PAK5: variants seen among roughly 807,000 people sequenced by gnomAD.
PAK5 encodes serine/threonine-protein kinase PAK 5.
In PAK5, 16 loss-of-function variants were observed where a neutral mutation model predicts 65.9. That is an observed-to-expected ratio of 0.24 (90% CI 0.16 to 0.37). The LOEUF is 0.37. Among genes scored for constraint, PAK5 ranks in the 10% least tolerant of loss-of-function variants. The pLI is 1.00. For missense variants in PAK5, 785 were observed against 903.9 expected, an observed-to-expected ratio of 0.87 and a Z score of 1.69; for synonymous variants, 371 against 354.9, an observed-to-expected ratio of 1.05 and a Z score of -0.51.
chr20:9,764,695 T>A (rs1250635747), intron 1 of PAK5, among the ~76,000 whole-genome samples: 1 of 152,196 alleles, frequency 6.6e-6, no homozygotes, highest in Non-Finnish European at 1.5e-5. Flanking sequence ...TTAGGATTGA[T>A]CTTGTTATTG....
At chr20:9,678,899 G>A (rs2047612246) in intron 2 of PAK5, among the ~76,000 whole-genome samples, 1 of 152,110 alleles carries the variant, frequency 6.6e-6, no homozygotes, top group South Asian at 2.1e-4. Context: ...ATGAGATTTG[G>A]GTGGGGACAC....
chr20:9,753,097 G>A (rs2048594990), intron 1 of PAK5, among the ~76,000 whole-genome samples: 1 of 152,024 alleles, frequency 6.6e-6, no homozygotes, highest in Admixed American at 6.6e-5. Flanking sequence ...TCACACACAT[G>A]AGCCAACCAG....
Position 9,716,446 on chromosome 20 carries a change from A to T in PAK5, c.-161-5011T>A, listed in dbSNP as rs545603238. On this transcript the variant is annotated intron_variant, in intron 1 of 9. Coordinates refer to ENST00000353224, the MANE Select transcript of PAK5 (RefSeq NM_177990.4). ...TGTGGGTCTACTGCATAATAATAAG[A>T]TAATTCAATATATTTGACAGAAGTA... is the stretch of plus-strand genomic sequence containing the variant. 1.7e-4 allele frequency among the ~76,000 whole-genome samples: 26 copies of T among 152,338 alleles called. 1 individual carries two copies. The South Asian group carries it at 5.4e-3, about 32-fold the overall frequency.
chr20:9,779,893 C>T (rs2048923896), intron 1 of PAK5, among the ~76,000 whole-genome samples: 1 of 151,946 alleles, frequency 6.6e-6, no homozygotes, highest in Non-Finnish European at 1.5e-5. Flanking sequence ...GCACAAAAAG[C>T]ATAAATCTTG....
In PAK5 at chr20:9,560,575, C is replaced by T. The variant is rs1046589513; in HGVS notation, c.1616+2316G>A. Among the ~76,000 whole-genome samples the T allele has an allele frequency of 5.9e-5, 9 of 152,150 alleles. No individual in the cohort carries two copies. The East Asian group carries it at 1.4e-3, about 23-fold the overall frequency. ...CAGGGTCTCGCTAAGTTGCCCAGGC[C>T]GGTCTCGAACTCCTGTGCTCACGTG... On this transcript the variant is annotated intron_variant, in intron 6 of 9. Coordinates refer to ENST00000353224, the MANE Select transcript of PAK5 (RefSeq NM_177990.4).
At chr20:9,793,306 A>G (rs1039143066) in intron 1 of PAK5, among the ~76,000 whole-genome samples, 1 of 152,160 alleles carries the variant, frequency 6.6e-6, no homozygotes, top group Non-Finnish European at 1.5e-5. Context: ...AAACACATAC[A>G]TGTTTTAAAA....
At chr20:9,724,530 A>C (rs1344478413) in intron 1 of PAK5, among the ~76,000 whole-genome samples, 1 of 152,188 alleles carries the variant, frequency 6.6e-6, no homozygotes, top group Non-Finnish European at 1.5e-5. Context: ...AAATGTATCA[A>C]ATAAGAATTT....
chr20:9,554,872 C>T (rs1603203197), intron 7 of PAK5, among the ~76,000 whole-genome samples: 1 of 152,258 alleles, frequency 6.6e-6, no homozygotes, highest in Non-Finnish European at 1.5e-5. Flanking sequence ...GCCTGGAATG[C>T]TCCTGTTTCT....
At chr20:9,635,125 T>C (rs1408078907) in intron 3 of PAK5, among the ~76,000 whole-genome samples, 1 of 152,188 alleles carries the variant, frequency 6.6e-6, no homozygotes, top group Admixed American at 6.5e-5. Flanking sequence ...CTTTATAACA[T>C]ATACACTCTT....
At chr20:9,554,929 A>G (rs949697602) in intron 7 of PAK5, among the ~76,000 whole-genome samples, 1 of 152,082 alleles carries the variant, frequency 6.6e-6, no homozygotes, top group African/African-American at 2.4e-5. Flanking sequence ...TAACGCCACC[A>G]CATCAGAGGG....
At position 9,580,715 on chromosome 20, in the gene PAK5, G is replaced by T; in HGVS notation, c.420C>A (p.Asp140Glu). The T allele has an allele frequency of 6.2e-7, 1 of 1,614,002 alleles. No individual in the cohort carries two copies. The highest frequency in any genetic ancestry group is 8.5e-7 in the Non-Finnish European group (1 of 1,179,948). ...TCTCCCTGTACTTTTCGGTCGTGTAGTCAGCAGTAGTATCGGATTCGCTGG... is the reference window on the plus strand; with the variant it reads ...TCTCCCTGTACTTTTCGGTCGTGTATTCAGCAGTAGTATCGGATTCGCTGG... ...QYSSESDTTADYTTEKYREKS... is the reference protein window; with the variant it reads ...QYSSESDTTAEYTTEKYREKS... The change falls in exon 4 of 10, where the codon GAC (aspartate) becomes GAA (glutamate). Residue 140 changes from aspartate to glutamate, a missense_variant. Coordinates refer to ENST00000353224, the MANE Select transcript of PAK5 (RefSeq NM_177990.4).
chr20:9,542,477 A>G, intron 9 of PAK5, 109 bp downstream of exon 9: 1 of 1,107,822 alleles, frequency 9.0e-7, no homozygotes, highest in South Asian at 1.3e-5. Context: ...GTCCATGCTC[A>G]TAAACCAGGA....
At chr20:9,657,145 C>T (rs2044430475) in intron 2 of PAK5, among the ~76,000 whole-genome samples, 1 of 152,172 alleles carries the variant, frequency 6.6e-6, no homozygotes, top group Non-Finnish European at 1.5e-5. Flanking sequence ...CATGTTCCCT[C>T]ACTACCCCCA....
chr20:9,563,593 T>C (rs1431952779), intron 5 of PAK5, among the ~76,000 whole-genome samples: 1 of 152,176 alleles, frequency 6.6e-6, no homozygotes, highest in Admixed American at 6.5e-5. Context: ...AAGTATGGCA[T>C]AGAAATTAAA....
intron 1 of PAK5, among the ~76,000 whole-genome samples, chr20:9,781,676 CT>C (rs983495520): frequency 1.3e-5 from 2 of 150,246 alleles, no homozygotes; most frequent in African/African-American, 4.9e-5. Flanking sequence ...CAACTTCTTC[CT>C]TTTAGTTCTC....
At chr20:9,835,788 A>G (rs568930192) in intron 1 of PAK5, among the ~76,000 whole-genome samples, 2 of 152,318 alleles carry the variant, frequency 1.3e-5, no homozygotes, top group East Asian at 3.9e-4. Flanking sequence ...GAGGTGTCAA[A>G]GGTGATTCTT....
At chr20:9,710,644 C>T (rs2048067068) in intron 2 of PAK5, among the ~76,000 whole-genome samples, 1 of 151,978 alleles carries the variant, frequency 6.6e-6, no homozygotes, top group Non-Finnish European at 1.5e-5. Flanking sequence ...AGTAGCGACC[C>T]CCACACATAC....
rs935579878 is a variant in PAK5, at chr20:9,673,760, C to T, written c.-11-29421G>A. 2.3e-4 allele frequency among the ~76,000 whole-genome samples: 35 copies of T among 152,138 alleles called. 1 individual carries two copies. The highest frequency in any genetic ancestry group is 1.5e-5 in the Non-Finnish European group (1 of 68,028). On this transcript the variant is annotated intron_variant, in intron 2 of 9. Transcript: ENST00000353224. ...ATACTGTATTATAGTTTTTATGGGACATTTCTGCCCACAGACCCCCTCTGG... is the reference window on the plus strand; with the variant it reads ...ATACTGTATTATAGTTTTTATGGGATATTTCTGCCCACAGACCCCCTCTGG...
intron 2 of PAK5, among the ~76,000 whole-genome samples, chr20:9,657,113 A>T (rs1238494586): frequency 6.6e-6 from 1 of 152,134 alleles, no homozygotes; most frequent in East Asian, 1.9e-4. Context: ...CCCCACAAAG[A>T]TGTGCTATAC....
Sources: gnomAD v4.1 joint callset for allele counts (sites outside exome capture counted in the v4.1 genomes callset) on GRCh38, gnomAD v4.1.1 for gene constraint, MANE v1.5 for transcripts, NCBI Gene and HGNC (gene_info 2026-07-23, HGNC 2026-07-21) for gene names.